Variants in PHF1 observed in about 807,000 individuals in gnomAD.
PHF1 encodes polycomb-like 1.
A neutral mutation model predicts 69.4 loss-of-function variants in PHF1; 16 were observed. The ratio of observed to expected loss-of-function variants is 0.23; its 90% confidence interval spans 0.16 to 0.35. PHF1 has a LOEUF of 0.35. Ranked by LOEUF, PHF1 falls within the 10% of genes least tolerant of loss-of-function variation. The pLI, the probability that PHF1 is intolerant of heterozygous loss-of-function variation, is 1.00. For synonymous variants in PHF1, 274 were observed against 275.0 expected (o/e 1.00, Z 0.04); for missense variants, 515 against 732.8 (o/e 0.70, Z 3.43).
Position 33,416,108 on chromosome 6 carries a change from C to T in PHF1, c.*10C>T, listed in dbSNP as rs1193428519. The T allele has an allele frequency of 6.6e-7, 1 of 1,519,496 alleles. No homozygotes were observed. Among genetic ancestry groups the T allele is most frequent in the Non-Finnish European group, 8.8e-7 (1 of 1,136,646 alleles). The allele number at this position is 1,519,496 out of a possible 1,614,324, so 94.1% of individuals were successfully genotyped here. On this transcript the variant is annotated 3_prime_UTR_variant, in exon 15 of 15. Coordinates refer to ENST00000374516, the MANE Select transcript of PHF1 (RefSeq NM_024165.3). ...AGGGGGCATCTTCTGAACAGCCTGC[C>T]TCTGCCCAGCTCCCCATTCACACAC...
In PHF1 at chr6:33,412,610, G is replaced by C. The variant is rs776449354; in HGVS notation, c.241+21G>C. On this transcript the variant is annotated intron_variant, in intron 3 of 14. Transcript: ENST00000374516. This position sits in a 1 kb window ranked among gnomAD's most constrained non-coding sequence, Gnocchi z 4.2. Reference sequence around the variant, plus strand: ...CCCTGGTAAGACTCTAGAGACCTGAGATTGCACATCCCATGGAAAACAAAC... The same window carrying C: ...CCCTGGTAAGACTCTAGAGACCTGACATTGCACATCCCATGGAAAACAAAC... The C allele has an allele frequency of 6.2e-7, 1 of 1,613,628 alleles. No individual in the cohort carries two copies. Among genetic ancestry groups the C allele is most frequent in the Non-Finnish European group, 8.5e-7 (1 of 1,179,496 alleles).
rs1447675638 is a variant in PHF1 at position 33,412,760 on chromosome 6, A to C, written c.304A>C (p.Asn102His). The C allele has an allele frequency of 6.2e-7, 1 of 1,614,026 alleles. No individual in the cohort carries two copies. Among genetic ancestry groups the C allele is most frequent in the Non-Finnish European group, 8.5e-7 (1 of 1,180,010 alleles). Residue 102 changes from asparagine to histidine, a missense_variant, in exon 4 of 15, where the codon AAC (asparagine) becomes CAC (histidine). Transcript: ENST00000374516. The surrounding 1 kb of genome is among the most constrained non-coding windows in gnomAD (Gnocchi z 4.2). ...VCRSETVVPG[N>H]RLVSCEKCRH... The stretch of plus-strand genomic sequence containing the variant: ...TCGCTCTGAGACTGTGGTCCCTGGG[A>C]ACCGGCTGGTCAGCTGTGAGAAGTG...
At chr6:33,411,325 C>T (rs73416053) in intron 1 of PHF1, 110 bp downstream of exon 1, 1 of 152,160 alleles carries the variant, frequency 6.6e-6, no homozygotes, top group Non-Finnish European at 1.5e-5. Flanking sequence ...TGGGCCGACA[C>T]AAGTCCCTTC....
Position 33,416,325 on chromosome 6 carries a change from T to TA in PHF1, c.*228dup, listed in dbSNP as rs1226025848. 1 of 476,668 alleles carries TA rather than the reference T, an allele frequency of 2.1e-6. No homozygotes were observed. Among genetic ancestry groups the TA allele is most frequent in the African/African-American group, 2.0e-5 (1 of 51,072 alleles). The allele number at this position is 476,668 out of a possible 1,614,324, so 29.5% of individuals were successfully genotyped here. ...CCCATTTCCTTTGATGTTATTTTGT[T>TA]ACAGCTTTTTAAATATTTTTTAAAA... On this transcript the variant is annotated 3_prime_UTR_variant, in exon 15 of 15. Coordinates refer to ENST00000374516, the MANE Select transcript of PHF1 (RefSeq NM_024165.3).
chr6:33,415,602 G>T lies in PHF1; in HGVS notation c.1347G>T (p.Arg449=). The stretch of plus-strand genomic sequence containing the variant: ...ACTCCAACCCCAGCAGCCCCATCCG[G>T]ATGTTTGCTTCCTTCCACCCTTCTG... ...DARCLPSSPI[R]MFASFHPSAS... is the part of the protein sequence containing the mutation. Residue 449 remains arginine (R), a synonymous_variant, in exon 14 of 15, where the codon CGG becomes CGT. Coordinates refer to ENST00000374516, the MANE Select transcript of PHF1 (RefSeq NM_024165.3). 1 of 1,613,960 alleles carries T rather than the reference G, an allele frequency of 6.2e-7. No individual in the cohort carries two copies. Among genetic ancestry groups the T allele is most frequent in the Non-Finnish European group, 8.5e-7 (1 of 1,179,942 alleles).
Position 33,412,595 on chromosome 6 carries a change from A to G in PHF1, c.241+6A>G. 8.1e-6 allele frequency: 13 copies of G among 1,613,992 alleles called. No individual in the cohort carries two copies. The highest frequency in any genetic ancestry group is 1.1e-5 in the Non-Finnish European group (13 of 1,179,918). On this transcript the variant is annotated splice_donor_region_variant and intron_variant, in intron 3 of 14. Coordinates refer to ENST00000374516, the MANE Select transcript of PHF1 (RefSeq NM_024165.3). The surrounding 1 kb of genome is among the most constrained non-coding windows in gnomAD (Gnocchi z 4.2). Reference sequence around the variant, plus strand: ...ATGGAAAGACATTAGCCCTGGTAAGACTCTAGAGACCTGAGATTGCACATC... The same window carrying G: ...ATGGAAAGACATTAGCCCTGGTAAGGCTCTAGAGACCTGAGATTGCACATC...
chr6:33,416,034 G>T lies in PHF1; in HGVS notation c.1640G>T (p.Arg547Leu). The T allele has an allele frequency of 6.2e-7, 1 of 1,610,974 alleles. No individual in the cohort carries two copies. Among genetic ancestry groups the T allele is most frequent in the Non-Finnish European group, 8.5e-7 (1 of 1,178,144 alleles). Residue 547 changes from arginine (R) to leucine (L), a missense_variant, in exon 15 of 15, where the codon CGG (arginine) becomes CTG (leucine). Around this residue, in one of 5 missense-constraint regions of PHF1, gnomAD observed 274 missense variants for 304.5 expected, o/e 0.90. Transcript: ENST00000374516. ...GGGGACCCTGTCCGGGTCCTTGCTC[G>T]GAGAGTACGGCCTGATGGCTCTGTG... ...SRGDPVRVLA[R>L]RVRPDGSVQY...
chr6:33,415,643 C>T lies in PHF1; in HGVS notation c.1388C>T (p.Thr463Ile), dbSNP rs769711852. 13 of 1,613,942 alleles carry T rather than the reference C, an allele frequency of 8.1e-6. No individual in the cohort carries two copies. Among genetic ancestry groups the T allele is most frequent in the South Asian group, 6.6e-5 (6 of 91,084 alleles). The change falls in exon 14 of 15, where the codon ACC becomes ATC. Residue 463 changes from threonine (T) to isoleucine (I), a missense_variant. By Grantham distance (89) the Thr-to-Ile change is moderately conservative. Transcript: ENST00000374516. ...CACCCTTCTGCCAGCACCGCAGGGA[C>T]CTCTGGGGACAGTGGACCCCCAGAC... is the stretch of plus-strand genomic sequence containing the variant. ...SFHPSASTAGTSGDSGPPDRS... is the reference protein window; with the variant it reads ...SFHPSASTAGISGDSGPPDRS...
chr6:33,414,708 T>A lies in PHF1; in HGVS notation c.945-17T>A, dbSNP rs2151109926. 1 of 1,604,364 alleles carries A rather than the reference T, an allele frequency of 6.2e-7. No individual in the cohort carries two copies. Among genetic ancestry groups the A allele is most frequent in the South Asian group, 1.1e-5 (1 of 90,718 alleles). ...TTTTACAGCACTGACCCTATATCAT[T>A]TCTCTTCTTGCCCCAGTTTCATTTC... On this transcript the variant is annotated splice_polypyrimidine_tract_variant and intron_variant, in intron 10 of 14. Coordinates refer to ENST00000374516, the MANE Select transcript of PHF1 (RefSeq NM_024165.3). The surrounding 1 kb of genome is among the most constrained non-coding windows in gnomAD (Gnocchi z 5.0).
rs769661737 is a variant in PHF1 at position 33,415,815 on chromosome 6, C to A, written c.1421C>A (p.Pro474His). Residue 474 changes from proline to histidine, a missense_variant, in exon 15 of 15, where the codon CCC (proline) becomes CAC (histidine). By Grantham distance (77) the Pro-to-His change is moderately conservative. This residue lies in a region of PHF1 where 274 missense variants were observed against 304.5 expected (regional missense o/e 0.90). Transcript: ENST00000374516. ...CAATTGCCTTCTCTCCCTAGGTCAC[C>A]CCTGGAACTTCACATTGGTTTCCCC... is the stretch of plus-strand genomic sequence containing the variant. ...SGDSGPPDRS[P>H]LELHIGFPTD... 6.3e-6 allele frequency: 10 copies of A among 1,597,960 alleles called. No homozygotes were observed. In the Admixed American group the frequency reaches 1.7e-4, roughly 27 times the overall value.
upstream of PHF1, chr6:33,410,593 G>A (rs1401613258): frequency 6.0e-4 from 2 of 3,320 alleles, no homozygotes; most frequent in Non-Finnish European, 9.6e-4. Flanking sequence ...GCGCGAGGGA[G>A]GAGGGCGTGG....
Position 33,414,932 on chromosome 6 carries a change from G to A in PHF1, c.1050-23G>A. On this transcript the variant is annotated intron_variant, in intron 11 of 14. Coordinates refer to ENST00000374516, the MANE Select transcript of PHF1 (RefSeq NM_024165.3). The surrounding 1 kb of genome is among the most constrained non-coding windows in gnomAD (Gnocchi z 5.0). ...TTGGGGGTGTCCGGGAGGGGGCTGG[G>A]GGGATAAGGAGGCCTCTTACAGCTT... 1.3e-6 allele frequency: 2 copies of A among 1,520,978 alleles called. No individual in the cohort carries two copies. The highest frequency in any genetic ancestry group is 2.5e-5 in the South Asian group (2 of 79,748). 94.2% of individuals were successfully genotyped at this position (1,520,978 alleles called of 1,614,324 possible). A position where few individuals can be genotyped will look rare whatever the true frequency, so the allele number is the denominator to read the frequency against.
In PHF1 at chr6:33,413,555, G is replaced by A. The variant is rs1339281386; in HGVS notation, c.585G>A (p.Gly195=). The change falls in exon 6 of 15, where the codon GGG becomes GGA. Residue 195 remains glycine (G), a splice_region_variant and synonymous_variant. Transcript: ENST00000374516. The part of the protein sequence containing the change: ...QQSYCYCGGP[G]EWNLKMLQCR... ...GTTACTGTTACTGTGGTGGCCCTGG[G>A]GAGTGAGTAATGAGAGGGGAGCAGA... 2 of 1,614,182 alleles carry A rather than the reference G, an allele frequency of 1.2e-6. No homozygotes were observed. Among genetic ancestry groups the A allele is most frequent in the Non-Finnish European group, 1.7e-6 (2 of 1,180,020 alleles).
rs755305585 is a variant in PHF1, at chr6:33,414,364, G to A, written c.874G>A (p.Glu292Lys). ...SENWDSLLLGELSDTPKGERS... is the reference protein window; with the variant it reads ...SENWDSLLLGKLSDTPKGERS... The stretch of plus-strand genomic sequence containing the variant: ...GAATTGGGACAGTTTGCTCCTGGGG[G>A]AGGTAAGGGGTAGTGCAGTTTTGGG... The change falls in exon 9 of 15, where the codon GAG becomes AAG. Residue 292 changes from glutamate to lysine, a missense_variant and splice_region_variant. Coordinates refer to ENST00000374516, the MANE Select transcript of PHF1 (RefSeq NM_024165.3). This position sits in a 1 kb window ranked among gnomAD's most constrained non-coding sequence, Gnocchi z 5.0. 2 of 1,614,174 alleles carry A rather than the reference G, an allele frequency of 1.2e-6. No individual in the cohort carries two copies. The highest frequency in any genetic ancestry group is 4.5e-5 in the East Asian group (2 of 44,882).
In PHF1 at chr6:33,412,186, AGAAAAT is replaced by A. The variant is rs1400405201; in HGVS notation, c.-16-60_-16-55del. The stretch of plus-strand genomic sequence containing the variant: ...CAGGAAAAAAAAAAAAAAAAGAAAA[AGAAAAT>A]GGGGAAGGTTTCTCAGCATTCATAA... On this transcript the variant is annotated intron_variant, in intron 1 of 14. Coordinates refer to ENST00000374516, the MANE Select transcript of PHF1 (RefSeq NM_024165.3). This position sits in a 1 kb window ranked among gnomAD's most constrained non-coding sequence, Gnocchi z 4.2. The A allele has an allele frequency of 1.7e-5, 21 of 1,223,642 alleles. No individual in the cohort carries two copies. The East Asian group carries it at 4.9e-4, about 28-fold the overall frequency. 75.8% of individuals were successfully genotyped at this position (1,223,642 alleles called of 1,614,324 possible).
Position 33,414,758 on chromosome 6 carries a change from A to G in PHF1, c.978A>G (p.Lys326=), listed in dbSNP as rs776703783. Reference sequence around the variant, plus strand: ...CAGGGAGAGAGATTAAGAAGAGGAAATGTTTGTTTGGTCTCCATGCTCGGA... The same window carrying G: ...CAGGGAGAGAGATTAAGAAGAGGAAGTGTTTGTTTGGTCTCCATGCTCGGA... The part of the protein sequence containing the change: ...FISGREIKKR[K]CLFGLHARMP... The change falls in exon 11 of 15, where the codon AAA becomes AAG. Residue 326 remains lysine, a synonymous_variant. Transcript: ENST00000374516. The surrounding 1 kb of genome is among the most constrained non-coding windows in gnomAD (Gnocchi z 5.0). 1.2e-6 allele frequency: 2 copies of G among 1,613,764 alleles called. No homozygotes were observed. The highest frequency in any genetic ancestry group is 1.7e-6 in the Non-Finnish European group (2 of 1,179,774).
At chr6:33,413,602 G>A (rs376261767) in intron 6 of PHF1, 45 bp downstream of exon 6, 16 of 1,612,136 alleles carry the variant, frequency 9.9e-6, no homozygotes, top group South Asian at 4.4e-5. Flanking sequence ...ATGATGTGGT[G>A]GTGGATCCCA....
chr6:33,410,546 G>C (rs931891230), upstream of PHF1: 1 of 152,232 alleles, frequency 6.6e-6, no homozygotes, highest in Non-Finnish European at 1.5e-5. Flanking sequence ...CAAAAGGGCG[G>C]TGGGTGGGGC....
At position 33,415,862 on chromosome 6, in the gene PHF1, C is replaced by A; in HGVS notation, c.1468C>A (p.Pro490Thr). 6.2e-7 allele frequency: 1 copy of A among 1,608,940 alleles called. No individual in the cohort carries two copies. The highest frequency in any genetic ancestry group is 8.5e-7 in the Non-Finnish European group (1 of 1,176,166). The change falls in exon 15 of 15, where the codon CCC (proline) becomes ACC (threonine). Residue 490 changes from proline (P) to threonine (T), a missense_variant. By Grantham distance (38) the Pro-to-Thr change is conservative. Transcript: ENST00000374516. ...CCCCACAGACATCCCTAAAAGTGCC[C>A]CCCACTCGATGACTGCCTCATCTTC... ...GFPTDIPKSA[P>T]HSMTASSSSV...
Sources: allele counts gnomAD v4.1 joint callset, GRCh38; gene constraint gnomAD v4.1.1; regional missense constraint gnomAD v4.1.1; non-coding constraint Gnocchi (gnomAD v3.1); transcripts MANE v1.5; gene names NCBI Gene and HGNC (gene_info 2026-07-23, HGNC 2026-07-21).